ZC3H12B: variants seen among roughly 807,000 people sequenced by gnomAD.
The protein encoded by ZC3H12B is zinc finger CCCH-type containing 12B.
ZC3H12B carries 7 observed loss-of-function variants against 43.9 expected under a neutral mutation model. The observed-to-expected ratio is 0.16, with a 90% CI of 0.09 to 0.30. ZC3H12B has a LOEUF of 0.30. Among genes scored for constraint, ZC3H12B ranks in the 10% least tolerant of loss-of-function variants. ZC3H12B has a pLI of 1.00. For missense variants in ZC3H12B, 475 were observed against 670.2 expected, an observed-to-expected ratio of 0.71 and a Z score of 3.22; for synonymous variants, 222 against 241.7, an observed-to-expected ratio of 0.92 and a Z score of 0.76.
intron 3 of ZC3H12B, among the ~76,000 whole-genome samples, chrX:65,458,134 G>T (rs2067663346): frequency 9.9e-6 from 1 of 100,609 alleles, no homozygotes; most frequent in Non-Finnish European, 2.0e-5. Context: ...AATGGTAAAG[G>T]GATCAATTCA....
chrX:65,065,854 T>C, the ZC3H12B span, among the ~76,000 whole-genome samples: 149 of 108,974 alleles, frequency 1.4e-3, no homozygotes, highest in African/African-American at 4.7e-3. Flanking sequence ...TTTATTCTTT[T>C]TTCTCTAATC....
intron 2 of ZC3H12B, among the ~76,000 whole-genome samples, chrX:65,396,925 C>G (rs2066705986): frequency 9.0e-6 from 1 of 111,628 alleles, no homozygotes; most frequent in African/African-American, 3.3e-5. Flanking sequence ...GTTAGCTCTT[C>G]TTGTTGCATT....
At chrX:65,108,941 T>C in the ZC3H12B span, among the ~76,000 whole-genome samples, 1 of 111,343 alleles carries the variant, frequency 9.0e-6, no homozygotes, top group Non-Finnish European at 1.9e-5. Context: ...ATGTGATCCA[T>C]TGTTGACCAA....
At chrX:65,377,516 C>G (rs1175310185) in intron 2 of ZC3H12B, among the ~76,000 whole-genome samples, 1 of 110,349 alleles carries the variant, frequency 9.1e-6, no homozygotes, top group Non-Finnish European at 1.9e-5. Context: ...ATCCTAAAAG[C>G]AACAAGACAA....
intron 2 of ZC3H12B, among the ~76,000 whole-genome samples, chrX:65,377,223 CA>C (rs374625728): frequency 0.011 from 942 of 88,344 alleles, 15 homozygotes; most frequent in African/African-American, 0.036. Context: ...TCCGAGGAGA[CA>C]AAAAAAAAAG....
the ZC3H12B span, among the ~76,000 whole-genome samples, chrX:65,281,231 CTTT>C: frequency 2.2e-4 from 20 of 90,299 alleles, no homozygotes; most frequent in African/African-American, 5.0e-4. Context: ...TATAGCCAAA[CTTT>C]TTTTTTTTTT....
At chrX:65,373,960 CTGTATATATAGTATATATATATACTA>C (rs1569379728) in intron 2 of ZC3H12B, among the ~76,000 whole-genome samples, 6 of 45,578 alleles carry the variant, frequency 1.3e-4, no homozygotes, top group African/African-American at 1.3e-3. Context: ...TATATATATA[CTGTATATATAGTATATATATATACTA>C]TATATATATA....
At chrX:65,094,260 CTT>C in the ZC3H12B span, among the ~76,000 whole-genome samples, 335 of 96,595 alleles carry the variant, frequency 3.5e-3, 4 homozygotes, top group African/African-American at 0.011. Context: ...AATTAAGCCT[CTT>C]TTTTTTTTTT....
intron 3 of ZC3H12B, among the ~76,000 whole-genome samples, chrX:65,433,285 C>T (rs1459910977): frequency 2.7e-5 from 3 of 112,224 alleles, no homozygotes; most frequent in African/African-American, 3.2e-5. Flanking sequence ...AGTCACCACC[C>T]CTGCATCTTT....
At chrX:65,166,119 A>G in the ZC3H12B span, among the ~76,000 whole-genome samples, 2 of 111,128 alleles carry the variant, frequency 1.8e-5, no homozygotes, top group African/African-American at 6.6e-5. Flanking sequence ...ATAGTTATAC[A>G]TGTGCCATGT....
At chrX:65,191,152 C>G in the ZC3H12B span, among the ~76,000 whole-genome samples, 2 of 76,918 alleles carry the variant, frequency 2.6e-5, no homozygotes, top group Non-Finnish European at 4.7e-5. Flanking sequence ...ATGAAGCCCA[C>G]TTGATCATGG....
the ZC3H12B span, among the ~76,000 whole-genome samples, chrX:65,190,398 A>G: frequency 9.0e-6 from 1 of 111,027 alleles, no homozygotes; most frequent in Admixed American, 9.6e-5. Context: ...CAGTATGGCC[A>G]TTTTCACGAT....
At chrX:65,361,357 AT>A in the ZC3H12B span, among the ~76,000 whole-genome samples, 2 of 111,991 alleles carry the variant, frequency 1.8e-5, no homozygotes, top group Non-Finnish European at 3.8e-5. Flanking sequence ...TTTGAATTAT[AT>A]TTTTTGGGTT....
At chrX:65,296,199 G>A in the ZC3H12B span, among the ~76,000 whole-genome samples, 3 of 111,672 alleles carry the variant, frequency 2.7e-5, no homozygotes, top group African/African-American at 9.7e-5. Context: ...TGAAATAATG[G>A]CATTTGCAGC....
chrX:65,309,882 G>A, the ZC3H12B span, among the ~76,000 whole-genome samples: 1,487 of 111,884 alleles, frequency 0.013, 10 homozygotes, highest in Non-Finnish European at 0.019. Flanking sequence ...CACATAAACA[G>A]AACCAAAGAC....
chrX:65,228,909 C>T, the ZC3H12B span, among the ~76,000 whole-genome samples: 2 of 112,021 alleles, frequency 1.8e-5, no homozygotes, highest in African/African-American at 6.5e-5. Context: ...GAAGAACATT[C>T]CATGCTCATG....
At chrX:65,404,053 T>C (rs768060827) in intron 3 of ZC3H12B, among the ~76,000 whole-genome samples, 2 of 111,895 alleles carry the variant, frequency 1.8e-5, no homozygotes, top group African/African-American at 3.2e-5. Flanking sequence ...GACAGTACAA[T>C]AAGATCTAAA....
At chrX:65,072,474 C>A in the ZC3H12B span, among the ~76,000 whole-genome samples, 7 of 112,508 alleles carry the variant, frequency 6.2e-5, no homozygotes, top group African/African-American at 1.6e-4. Context: ...GCTTTTTGAG[C>A]TGTCAGGTTT....
the ZC3H12B span, among the ~76,000 whole-genome samples, chrX:65,167,333 G>A: frequency 9.0e-6 from 1 of 111,659 alleles, no homozygotes; most frequent in Non-Finnish European, 1.9e-5. Context: ...TGTCAGGTTT[G>A]TCAAAGATCA....
Sources: allele counts gnomAD v4.1 joint callset (sites outside exome capture counted in the v4.1 genomes callset), GRCh38; gene constraint gnomAD v4.1.1; transcripts MANE v1.5; gene names NCBI Gene and HGNC (gene_info 2026-07-23, HGNC 2026-07-21).